Variants in DLGAP5 observed in about 807,000 individuals in gnomAD.
DLGAP5 encodes disks large-associated protein 5.
Under a neutral mutation model 99.6 loss-of-function variants are expected in DLGAP5, and 90 were observed. That is an observed-to-expected ratio of 0.90 (90% CI 0.76 to 1.08). The LOEUF (loss-of-function observed/expected upper bound fraction) is 1.08, where lower values mean the gene tolerates loss of function less well. Among genes scored for constraint, DLGAP5 ranks in the 50% least tolerant of loss-of-function variants. The pLI, the probability that DLGAP5 is intolerant of heterozygous loss-of-function variation, is 0.00. For missense variants in DLGAP5, 1,036 were observed against 983.5 expected, an observed-to-expected ratio of 1.05 and a Z score of -0.71; for synonymous variants, 311 against 321.3, an observed-to-expected ratio of 0.97 and a Z score of 0.34.
Position 55,191,508 on chromosome 14 carries a change from G to A in DLGAP5, c.-47C>T, listed in dbSNP as rs568853826. 1 of 152,746 alleles carries A rather than the reference G, an allele frequency of 6.5e-6. No individual in the cohort carries two copies. Among genetic ancestry groups the A allele is most frequent in the African/African-American group, 2.4e-5 (1 of 41,418 alleles). The allele number at this position is 152,746 out of a possible 1,614,324, so 9.5% of individuals were successfully genotyped here. A position where few individuals can be genotyped will look rare whatever the true frequency, so the allele number is the denominator to read the frequency against. On this transcript the variant is annotated 5_prime_UTR_variant, in exon 1 of 19. Coordinates refer to ENST00000247191, the MANE Select transcript of DLGAP5 (RefSeq NM_014750.5). ...AAACCTCAACCAAACAAAAAGTAAA[G>A]AACACTCGGTCTGGACGACCACCGC...
chr14:55,183,891 G>A (rs1386479602), intron 2 of DLGAP5, 138 bp from the exon 3 acceptor site: 20 of 843,344 alleles, frequency 2.4e-5, no homozygotes, highest in South Asian at 4.4e-5. Context: ...GGTGGCTCAC[G>A]CCTGTAATCC....
At chr14:55,169,626 C>G (rs1882782154) in intron 11 of DLGAP5, 67 bp from the exon 12 acceptor site, 1 of 1,336,744 alleles carries the variant, frequency 7.5e-7, no homozygotes, top group South Asian at 1.7e-5. Context: ...AGTCAGCCCA[C>G]TGATAAGACT....
At chr14:55,154,935 C>T (rs757921766) in intron 14 of DLGAP5, 129 bp from the exon 15 acceptor site, 5 of 765,484 alleles carry the variant, frequency 6.5e-6, no homozygotes, top group Admixed American at 2.9e-5. Flanking sequence ...AAGACAAATG[C>T]CTGGGACTTT....
At chr14:55,182,809 T>A (rs143246356) in intron 3 of DLGAP5, among the ~76,000 whole-genome samples, 3 of 152,184 alleles carry the variant, frequency 2.0e-5, no homozygotes, top group Non-Finnish European at 4.4e-5. Flanking sequence ...TATATCCTTA[T>A]TGGAATGGTC....
At chr14:55,173,276 A>AAAAAAAAAAAC (rs1882928600) in intron 10 of DLGAP5, among the ~76,000 whole-genome samples, 2 of 129,352 alleles carry the variant, frequency 1.5e-5, no homozygotes, top group Non-Finnish European at 3.0e-5. Context: ...TCTCTACAAA[A>AAAAAAAAAAAC]AAAAAAAAAA....
At chr14:55,182,230 T>C in intron 4 of DLGAP5, 140 bp downstream of exon 4, 1 of 641,574 alleles carries the variant, frequency 1.6e-6, no homozygotes, top group South Asian at 2.1e-5. Context: ...ATCACCATAC[T>C]AAAAACAGTG....
At chr14:55,172,780 G>A (rs1399250827) in intron 10 of DLGAP5, among the ~76,000 whole-genome samples, 7 of 151,856 alleles carry the variant, frequency 4.6e-5, no homozygotes, top group African/African-American at 1.2e-4. Flanking sequence ...TCAGGAGTTC[G>A]AGACCAGCTT....
At chr14:55,150,776 A>T in intron 18 of DLGAP5, 23 bp downstream of exon 18, 1 of 1,537,154 alleles carries the variant, frequency 6.5e-7, no homozygotes, top group Non-Finnish European at 8.8e-7. Flanking sequence ...ATATAAAGGG[A>T]CTTGTCAAGT....
chr14:55,185,046 T>C (rs1218082122), intron 2 of DLGAP5, among the ~76,000 whole-genome samples: 2 of 152,218 alleles, frequency 1.3e-5, no homozygotes, highest in African/African-American at 4.8e-5. Context: ...CTCTTACTCA[T>C]CTATTTTTTC....
intron 12 of DLGAP5, among the ~76,000 whole-genome samples, chr14:55,164,651 G>A (rs1594669857): frequency 6.6e-6 from 1 of 152,106 alleles, no homozygotes; most frequent in Non-Finnish European, 1.5e-5. Flanking sequence ...GCCGGGTGCA[G>A]TGGCACACCC....
chr14:55,177,570 C>T (rs1883121492), intron 7 of DLGAP5, among the ~76,000 whole-genome samples: 1 of 151,556 alleles, frequency 6.6e-6, no homozygotes, highest in Non-Finnish European at 1.5e-5. Flanking sequence ...CGGAGTAGCC[C>T]TCCGTCGCCC....
In DLGAP5 at chr14:55,154,620, C is replaced by T; in HGVS notation, c.2060G>A (p.Ser687Asn). 1 of 1,613,258 alleles carries T rather than the reference C, an allele frequency of 6.2e-7. No homozygotes were observed. ...KKTLFLSIPE[S>N]RSSIEDAQCP... ...TATTAACATGTTAAAGAAATACCTGCTTTCAGGAATACTCAAAAACAAAGT... is the reference window on the plus strand; with the variant it reads ...TATTAACATGTTAAAGAAATACCTGTTTTCAGGAATACTCAAAAACAAAGT... Residue 687 changes from serine (S) to asparagine (N), a missense_variant, in exon 15 of 19, where the codon AGC becomes AAC. Coordinates refer to ENST00000247191, the MANE Select transcript of DLGAP5 (RefSeq NM_014750.5).
chr14:55,150,444 C>G (rs1289775435), intron 18 of DLGAP5: 1 of 161,486 alleles, frequency 6.2e-6, no homozygotes, highest in African/African-American at 2.4e-5. Context: ...CATAAATAAC[C>G]AATGATGACT....
chr14:55,158,512 A>G lies in DLGAP5; in HGVS notation c.1873+10T>C. On this transcript the variant is annotated intron_variant, in intron 14 of 18. Transcript: ENST00000247191. ...AAAACAAAAAAAATAAAAAATCAAA[A>G]ACAACTAACCTGAGAATAATTTAAC... 6.2e-7 allele frequency: 1 copy of G among 1,601,682 alleles called. No individual in the cohort carries two copies. The highest frequency in any genetic ancestry group is 8.5e-7 in the Non-Finnish European group (1 of 1,174,982).
At chr14:55,170,227 C>G (rs1253366024) in intron 11 of DLGAP5, among the ~76,000 whole-genome samples, 17 of 151,484 alleles carry the variant, frequency 1.1e-4, no homozygotes, top group Admixed American at 1.1e-3. Flanking sequence ...TTCATACTGA[C>G]AGCACATAAT....
intron 2 of DLGAP5, among the ~76,000 whole-genome samples, chr14:55,186,665 C>G (rs1002750966): frequency 7.8e-6 from 1 of 128,090 alleles, no homozygotes; most frequent in Non-Finnish European, 1.5e-5. Flanking sequence ...TGATTATACT[C>G]ATCCATTCCA....
At position 55,158,452 on chromosome 14, in the gene DLGAP5, T is replaced by G. The variant is rs542092291; in HGVS notation, c.1873+70A>C. ...ATTTTTCACCTTACACAAGCCCCCATCTATCCCAAATATTTCTCTTAAGTA... is the reference window on the plus strand; with the variant it reads ...ATTTTTCACCTTACACAAGCCCCCAGCTATCCCAAATATTTCTCTTAAGTA... On this transcript the variant is annotated intron_variant, in intron 14 of 18. Coordinates refer to ENST00000247191, the MANE Select transcript of DLGAP5 (RefSeq NM_014750.5). The G allele has an allele frequency of 2.0e-5, 26 of 1,330,856 alleles. No homozygotes were observed. The African/African-American group carries it at 3.8e-4, about 20-fold the overall frequency. 82.4% of individuals were successfully genotyped at this position (1,330,856 alleles called of 1,614,324 possible). A position where few individuals can be genotyped will look rare whatever the true frequency, so the allele number is the denominator to read the frequency against.
chr14:55,179,637 G>A lies in DLGAP5; in HGVS notation c.766C>T (p.Pro256Ser), dbSNP rs1325852515. Residue 256 changes from proline (P) to serine (S), a missense_variant, in exon 7 of 19, where the codon CCC becomes TCC. Coordinates refer to ENST00000247191, the MANE Select transcript of DLGAP5 (RefSeq NM_014750.5). Reference sequence around the variant, plus strand: ...AGATGTTTATTCTCTACCTTGTCGGGTTTTGTTTCTACATTTTTGGCAGGT... The same window carrying A: ...AGATGTTTATTCTCTACCTTGTCGGATTTTGTTTCTACATTTTTGGCAGGT... ...GRPAKNVETK[P>S]DKGISCKVDS... is the part of the protein sequence containing the mutation. The A allele has an allele frequency of 3.7e-6, 6 of 1,611,374 alleles. No individual in the cohort carries two copies. The African/African-American group carries it at 8.0e-5, about 22-fold the overall frequency.
intron 12 of DLGAP5, among the ~76,000 whole-genome samples, chr14:55,163,489 A>G (rs564798976): frequency 2.0e-5 from 3 of 152,316 alleles, no homozygotes; most frequent in Admixed American, 6.5e-5. Flanking sequence ...CTATATTGCT[A>G]AAAACATCCG....
Sources: allele counts gnomAD v4.1 joint callset (sites outside exome capture counted in the v4.1 genomes callset), GRCh38; gene constraint gnomAD v4.1.1; transcripts MANE v1.5; gene names NCBI Gene and HGNC (gene_info 2026-07-23, HGNC 2026-07-21).